Variants in ENDOU observed in about 807,000 individuals in gnomAD.
ENDOU encodes uridylate-specific endoribonuclease.
A neutral mutation model predicts 54.2 loss-of-function variants in ENDOU; 49 were observed. The observed-to-expected ratio is 0.90, with a 90% confidence interval of 0.72 to 1.15. The LOEUF (loss-of-function observed/expected upper bound fraction) is 1.15. Ranked by LOEUF, ENDOU falls within the 50% of genes most tolerant of loss-of-function variation. ENDOU has a pLI of 0.00. For synonymous variants in ENDOU, 172 were observed against 190.5 expected (o/e 0.90, Z 0.80); for missense variants, 458 against 511.4 (o/e 0.90, Z 1.01).
chr12:47,717,651 C>G lies in ENDOU; in HGVS notation c.249G>C (p.Leu83Phe). The change falls in exon 4 of 10, where the codon TTG (leucine) becomes TTC (phenylalanine). Residue 83 changes from leucine (L) to phenylalanine (F), a missense_variant. Transcript: ENST00000422538. Reference sequence around the variant, plus strand: ...CCTGGCAGGAGGTGGGTGCCGAGTACAAGTCTGAGAAGAGAGGGGTGGTGT... The same window carrying G: ...CCTGGCAGGAGGTGGGTGCCGAGTAGAAGTCTGAGAAGAGAGGGGTGGTGT... The part of the protein sequence containing the change: ...EETEEALASN[L>F]YSAPTSCQGR... 1.9e-6 allele frequency: 3 copies of G among 1,613,968 alleles called. No individual in the cohort carries two copies. Among genetic ancestry groups the G allele is most frequent in the Non-Finnish European group, 2.5e-6 (3 of 1,179,968 alleles).
rs1440137141 is a variant in ENDOU, at chr12:47,716,581, G to A, written c.552-82C>T. On this transcript the variant is annotated intron_variant, in intron 5 of 9. Transcript: ENST00000422538. ...TCCAGAGACTTCTAGACAGGCCAGG[G>A]GCAGACAGGCGAGGGCTGGGTTCAG... is the stretch of plus-strand genomic sequence containing the variant. 4.5e-6 allele frequency: 6 copies of A among 1,339,720 alleles called. No homozygotes were observed. The East Asian group carries it at 1.2e-4, about 27-fold the overall frequency. The allele number at this position is 1,339,720 out of a possible 1,614,324, so 83.0% of individuals were successfully genotyped here.
chr12:47,712,591 G>C lies in ENDOU; in HGVS notation c.897C>G (p.Phe299Leu). 6.2e-7 allele frequency: 1 copy of C among 1,613,734 alleles called. No individual in the cohort carries two copies. The highest frequency in any genetic ancestry group is 8.5e-7 in the Non-Finnish European group (1 of 1,179,940). ...GEVKKGKVTG[F>L]HNWIRFYLEE... ...CCAGGTAGAAGCGGATCCAGTTATGGAAGCCAGTAACCTTGCCTTTTTTTA... is the reference window on the plus strand; with the variant it reads ...CCAGGTAGAAGCGGATCCAGTTATGCAAGCCAGTAACCTTGCCTTTTTTTA... The change falls in exon 8 of 10, where the codon TTC (phenylalanine) becomes TTG (leucine). Residue 299 changes from phenylalanine to leucine, a missense_variant. Coordinates refer to ENST00000422538, the MANE Select transcript of ENDOU (RefSeq NM_001172439.2).
chr12:47,714,088 A>G (rs1372088399), intron 6 of ENDOU, among the ~76,000 whole-genome samples: 1 of 152,250 alleles, frequency 6.6e-6, no homozygotes, highest in Non-Finnish European at 1.5e-5. Flanking sequence ...CTGTCCACCT[A>G]GTGCCTGCCA....
chr12:47,714,287 T>C (rs1940146254), intron 6 of ENDOU, among the ~76,000 whole-genome samples: 1 of 152,228 alleles, frequency 6.6e-6, no homozygotes, highest in Admixed American at 6.5e-5. Flanking sequence ...GACCAATCTC[T>C]TTAACAACTC....
At position 47,725,350 on chromosome 12, in the gene ENDOU, G is replaced by A. The variant is rs1418303971; in HGVS notation, c.55+9C>T. On this transcript the variant is annotated intron_variant, in intron 1 of 9. Transcript: ENST00000422538. Reference sequence around the variant, plus strand: ...CCAGCAATCCCATGCCCGCCAGATAGTGACTTACCAGCCCAGGCCAGGCCA... The same window carrying A: ...CCAGCAATCCCATGCCCGCCAGATAATGACTTACCAGCCCAGGCCAGGCCA... The A allele has an allele frequency of 6.2e-7, 1 of 1,614,072 alleles. No homozygotes were observed. Among genetic ancestry groups the A allele is most frequent in the East Asian group, 2.2e-5 (1 of 44,868 alleles).
In ENDOU at chr12:47,720,841, C is replaced by T. The variant is rs1244368951; in HGVS notation, c.90G>A (p.Glu30=). 1 of 1,536,014 alleles carries T rather than the reference C, an allele frequency of 6.5e-7. No homozygotes were observed. Among genetic ancestry groups the T allele is most frequent in the African/African-American group, 1.4e-5 (1 of 73,044 alleles). Residue 30 remains glutamate, a synonymous_variant, in exon 2 of 10, where the codon GAG becomes GAA. Transcript: ENST00000422538. ...KIESCASRCN[E]KFNRDAACQC... ...GGCAGGCAGCGTCCCGGTTAAATTT[C>T]TCATTACATCGAGATGCACAGGATT...
Position 47,716,388 on chromosome 12 carries a change from G to A in ENDOU, c.663C>T (p.Ala221=), listed in dbSNP as rs2136676597. 1.9e-6 allele frequency: 3 copies of A among 1,614,156 alleles called. No individual in the cohort carries two copies. Among genetic ancestry groups the A allele is most frequent in the Non-Finnish European group, 2.5e-6 (3 of 1,180,028 alleles). The change falls in exon 6 of 10, where the codon GCC becomes GCT. Residue 221 remains alanine, a synonymous_variant. Transcript: ENST00000422538. ...AGGCGTCCTGCTCGGCCAGCTCCTG[G>A]GCACTGAAGTGCTCCCCATGGCCTG... ...RATGHGEHFS[A]QELAEQDAFL... is the part of the protein sequence containing the mutation.
At chr12:47,711,963 G>A (rs1049078452) in intron 8 of ENDOU, among the ~76,000 whole-genome samples, 188 bp from the exon 9 acceptor site, 3 of 152,094 alleles carry the variant, frequency 2.0e-5, no homozygotes, top group East Asian at 3.9e-4. Context: ...GAGCCCACCC[G>A]GACCCTCTGC....
intron 9 of ENDOU, 96 bp downstream of exon 9, chr12:47,711,537 C>T: frequency 1.4e-6 from 2 of 1,405,664 alleles, no homozygotes; most frequent in Non-Finnish European, 1.9e-6. Context: ...CCCTCTCAGC[C>T]TCTTTGTGGC....
Position 47,710,892 on chromosome 12 carries a change from G to A in ENDOU, c.1143C>T (p.Pro381=). 1 of 1,613,844 alleles carries A rather than the reference G, an allele frequency of 6.2e-7. No homozygotes were observed. Among genetic ancestry groups the A allele is most frequent in the Non-Finnish European group, 8.5e-7 (1 of 1,179,772 alleles). The change falls in exon 10 of 10, where the codon CCC becomes CCT. Residue 381 remains proline (P), a synonymous_variant. Transcript: ENST00000422538. ...KVCQLSLGGY[P]LAVRTYTWDK... ...CCCAGGTATATGTCCGGACAGCTAAGGGATATCCTCCCAGGCTTAACTGGC... is the reference window on the plus strand; with the variant it reads ...CCCAGGTATATGTCCGGACAGCTAAAGGATATCCTCCCAGGCTTAACTGGC...
At chr12:47,717,161 GC>G (rs1940277079) in intron 4 of ENDOU, 103 bp from the exon 5 acceptor site, 1 of 930,060 alleles carries the variant, frequency 1.1e-6, no homozygotes, top group Admixed American at 1.9e-5. Context: ...CAAGAAGCCA[GC>G]AAGGAGGGAG....
rs184162235 is a variant in ENDOU at position 47,721,656 on chromosome 12, A to G, written c.56-781T>C. On this transcript the variant is annotated intron_variant, in intron 1 of 9. Transcript: ENST00000422538. ...GAATTGGGCTCTGGCATAGCATTCT[A>G]TTATGTAACCACAGACCACATCCCC... Among the ~76,000 whole-genome samples, 7 of 152,292 alleles carry G rather than the reference A, an allele frequency of 4.6e-5. No homozygotes were observed. The East Asian group carries it at 1.4e-3, about 29-fold the overall frequency.
chr12:47,709,960 C>T lies in ENDOU; in HGVS notation c.*842G>A, dbSNP rs1160832750. On this transcript the variant is annotated 3_prime_UTR_variant, in exon 10 of 10. Coordinates refer to ENST00000422538, the MANE Select transcript of ENDOU (RefSeq NM_001172439.2). The stretch of plus-strand genomic sequence containing the variant: ...TGTTAATGACACCAAGCTATGGGTT[C>T]CTTCTTCTTCTGATGCTGAATCATC... The T allele has an allele frequency of 6.6e-6, 1 of 152,056 alleles. No individual in the cohort carries two copies. The highest frequency in any genetic ancestry group is 1.5e-5 in the Non-Finnish European group (1 of 68,006). The allele number at this position is 152,056 out of a possible 1,614,324, so 9.4% of individuals were successfully genotyped here.
At chr12:47,711,496 A>T in intron 9 of ENDOU, 137 bp downstream of exon 9, 1 of 1,034,116 alleles carries the variant, frequency 9.7e-7, no homozygotes, top group Non-Finnish European at 1.4e-6. Context: ...CAAGCAAGAG[A>T]ACTGAGGCCC....
At position 47,710,709 on chromosome 12, in the gene ENDOU, C is replaced by T. The variant is rs1205132175; in HGVS notation, c.*93G>A. On this transcript the variant is annotated 3_prime_UTR_variant, in exon 10 of 10. Transcript: ENST00000422538. Reference sequence around the variant, plus strand: ...CTCATTGCTTTGAGATTTGGTGATCCCTTCCAGTCCTCTCCCTCTTCTCTC... The same window carrying T: ...CTCATTGCTTTGAGATTTGGTGATCTCTTCCAGTCCTCTCCCTCTTCTCTC... The T allele has an allele frequency of 3.6e-6, 3 of 831,250 alleles. No homozygotes were observed. In the South Asian group the frequency reaches 4.3e-5, roughly 12 times the overall value. 51.5% of individuals were successfully genotyped at this position (831,250 alleles called of 1,614,324 possible).
chr12:47,713,514 T>C, intron 6 of ENDOU, 126 bp from the exon 7 acceptor site: 1 of 661,928 alleles, frequency 1.5e-6, no homozygotes, highest in Non-Finnish European at 2.7e-6. Context: ...TCAACAAATG[T>C]GTTCGGCTGT....
rs369500207 is a variant in ENDOU at position 47,712,603 on chromosome 12, C to T, written c.885G>A (p.Lys295=). The T allele has an allele frequency of 3.1e-6, 5 of 1,613,910 alleles. No homozygotes were observed. In the African/African-American group the frequency reaches 6.7e-5, roughly 22 times the overall value. ...GGATCCAGTTATGGAAGCCAGTAAC[C>T]TTGCCTTTTTTTACCTCACCTATAA... The part of the protein sequence containing the change: ...HVFSGEVKKG[K]VTGFHNWIRF... The change falls in exon 8 of 10, where the codon AAG becomes AAA. Residue 295 remains lysine, a synonymous_variant. Transcript: ENST00000422538.
At position 47,713,324 on chromosome 12, in the gene ENDOU, T is replaced by G. The variant is rs1173424926; in HGVS notation, c.816A>C (p.Ser272=). 1.2e-6 allele frequency: 2 copies of G among 1,614,022 alleles called. No homozygotes were observed. Among genetic ancestry groups the G allele is most frequent in the Non-Finnish European group, 1.7e-6 (2 of 1,179,948 alleles). The stretch of plus-strand genomic sequence containing the variant: ...TCGAGTCCCCCTCTTCATTGCCTCT[T>G]GAATAGAGCCCAAACCACATGTTCT... The part of the protein sequence containing the change: ...DLKNMWFGLY[S]RGNEEGDSSG... Residue 272 remains serine (S), a synonymous_variant, in exon 7 of 10, where the codon TCA becomes TCC. Transcript: ENST00000422538.
At position 47,710,713 on chromosome 12, in the gene ENDOU, C is replaced by CGAA; in HGVS notation, c.*88_*89insTTC. The stretch of plus-strand genomic sequence containing the variant: ...TTGCTTTGAGATTTGGTGATCCCTT[C>CGAA]CAGTCCTCTCCCTCTTCTCTCTAGT... On this transcript the variant is annotated 3_prime_UTR_variant, in exon 10 of 10. Coordinates refer to ENST00000422538, the MANE Select transcript of ENDOU (RefSeq NM_001172439.2). The CGAA allele has an allele frequency of 1.1e-6, 1 of 894,748 alleles. No individual in the cohort carries two copies. The highest frequency in any genetic ancestry group is 1.6e-5 in the African/African-American group (1 of 61,300). 55.4% of individuals were successfully genotyped at this position (894,748 alleles called of 1,614,324 possible).
Sources: gnomAD v4.1 joint callset for allele counts (sites outside exome capture counted in the v4.1 genomes callset) on GRCh38, gnomAD v4.1.1 for gene constraint, MANE v1.5 for transcripts, NCBI Gene and HGNC (gene_info 2026-07-23, HGNC 2026-07-21) for gene names.